The following LDB2 variants were observed in gnomAD, a reference collection of about 807,000 sequenced individuals.
LDB2 encodes LIM domain-binding protein 2.
In LDB2, 12 loss-of-function variants were observed where a neutral mutation model predicts 44.3. That is an observed-to-expected ratio of 0.27 (90% CI 0.17 to 0.44). The LOEUF is 0.44. LDB2 is among the 20% of genes least tolerant of loss of function. The pLI is 1.00. For synonymous variants in LDB2, 164 were observed against 174.8 expected (o/e 0.94, Z 0.49); for missense variants, 344 against 473.5 (o/e 0.73, Z 2.54).
intron 1 of LDB2, among the ~76,000 whole-genome samples, chr4:16,793,507 A>G (rs2109637524): frequency 6.6e-6 from 1 of 152,264 alleles, no homozygotes; most frequent in African/African-American, 2.4e-5. Flanking sequence ...CTTATTTTTA[A>G]TCGTGCAGGT....
At chr4:16,643,289 C>T (rs1735728858) in intron 2 of LDB2, among the ~76,000 whole-genome samples, 1 of 152,180 alleles carries the variant, frequency 6.6e-6, no homozygotes, top group Non-Finnish European at 1.5e-5. Flanking sequence ...CCTAATGCCA[C>T]ACTCCGTTAC....
chr4:16,580,622 T>C (rs1036927414), intron 5 of LDB2, among the ~76,000 whole-genome samples: 3 of 152,184 alleles, frequency 2.0e-5, no homozygotes, highest in Non-Finnish European at 4.4e-5. Context: ...GATGTGAAAT[T>C]TATGAATGAA....
intron 2 of LDB2, among the ~76,000 whole-genome samples, chr4:16,650,794 C>T (rs1738064033): frequency 6.6e-6 from 1 of 152,176 alleles, no homozygotes; most frequent in African/African-American, 2.4e-5. Flanking sequence ...AAAGTAGCCC[C>T]ATTCCCTTAA....
intron 2 of LDB2, among the ~76,000 whole-genome samples, chr4:16,663,340 C>T (rs538162956): frequency 1.3e-5 from 2 of 152,316 alleles, no homozygotes; most frequent in South Asian, 4.1e-4. Flanking sequence ...TGTAAATTCT[C>T]CCACCATGGC....
At chr4:16,539,860 G>T (rs1264433871) in intron 5 of LDB2, among the ~76,000 whole-genome samples, 1 of 152,142 alleles carries the variant, frequency 6.6e-6, no homozygotes, top group African/African-American at 2.4e-5. Flanking sequence ...GGGGTCATGT[G>T]ACTAATTCTG....
At chr4:16,897,130 C>T (rs1725240981) in intron 1 of LDB2, among the ~76,000 whole-genome samples, 1 of 152,188 alleles carries the variant, frequency 6.6e-6, no homozygotes, top group Non-Finnish European at 1.5e-5. Flanking sequence ...ATTAAATACA[C>T]GAAACGTCAT....
chr4:16,806,584 T>C (rs1392687390), intron 1 of LDB2, among the ~76,000 whole-genome samples: 1 of 151,626 alleles, frequency 6.6e-6, no homozygotes, highest in Non-Finnish European at 1.5e-5. Flanking sequence ...GCAATTTTTT[T>C]CCACATATCT....
intron 2 of LDB2, among the ~76,000 whole-genome samples, chr4:16,726,687 G>C (rs1299200625): frequency 6.6e-6 from 1 of 152,186 alleles, no homozygotes; most frequent in Non-Finnish European, 1.5e-5. Context: ...CTTTAAAGGG[G>C]AGGGAGGACC....
chr4:16,749,660 A>G (rs1246223715), intron 2 of LDB2, among the ~76,000 whole-genome samples: 1 of 151,594 alleles, frequency 6.6e-6, no homozygotes. Context: ...GCTCTATAAT[A>G]CAAAACAGGC....
At chr4:16,520,252 T>C (rs1393958747) in intron 5 of LDB2, among the ~76,000 whole-genome samples, 5 of 150,054 alleles carry the variant, frequency 3.3e-5, no homozygotes, top group African/African-American at 1.2e-4. Flanking sequence ...TGAAGGAGTC[T>C]CTCTAATTAA....
intron 2 of LDB2, among the ~76,000 whole-genome samples, chr4:16,606,557 C>T (rs1188291658): frequency 6.6e-6 from 1 of 152,130 alleles, no homozygotes. Flanking sequence ...CCCTCAAGTA[C>T]TCAAAAGTTT....
intron 2 of LDB2, among the ~76,000 whole-genome samples, chr4:16,643,333 C>T (rs1053512320): frequency 4.6e-5 from 7 of 152,140 alleles, no homozygotes; most frequent in African/African-American, 1.4e-4. Flanking sequence ...AATATAACTG[C>T]TCTGAGCTTC....
chr4:16,868,451 T>C (rs1278808362), intron 1 of LDB2, among the ~76,000 whole-genome samples: 1 of 152,152 alleles, frequency 6.6e-6, no homozygotes, highest in Non-Finnish European at 1.5e-5. Context: ...ACTCTTAATA[T>C]CAGAGAGGTC....
chr4:16,847,429 T>G (rs983372066), intron 1 of LDB2, among the ~76,000 whole-genome samples: 2 of 152,190 alleles, frequency 1.3e-5, no homozygotes, highest in African/African-American at 2.4e-5. Flanking sequence ...TGACACCTCC[T>G]CCTTAAGGAT....
intron 5 of LDB2, among the ~76,000 whole-genome samples, chr4:16,527,775 T>C (rs1728736777): frequency 6.6e-6 from 1 of 152,206 alleles, no homozygotes; most frequent in Non-Finnish European, 1.5e-5. Context: ...ACTTTAAATT[T>C]ACAAGAGGGT....
intron 5 of LDB2, among the ~76,000 whole-genome samples, chr4:16,574,722 A>G (rs1020934905): frequency 1.3e-5 from 2 of 152,200 alleles, no homozygotes; most frequent in Admixed American, 1.3e-4. Flanking sequence ...CTGCACTCAG[A>G]AAGTACAGGA....
intron 1 of LDB2, among the ~76,000 whole-genome samples, chr4:16,878,408 G>A (rs941700469): frequency 2.6e-5 from 4 of 152,092 alleles, no homozygotes; most frequent in East Asian, 1.9e-4. Flanking sequence ...CACCTTCCAC[G>A]GCTAATCCAT....
At chr4:16,818,776 C>G (rs1054352634) in intron 1 of LDB2, among the ~76,000 whole-genome samples, 1 of 152,190 alleles carries the variant, frequency 6.6e-6, no homozygotes, top group Non-Finnish European at 1.5e-5. Flanking sequence ...TTTGACTAAA[C>G]TGTAGTTTCT....
At chr4:16,597,379 C>T (rs1356993232) in intron 2 of LDB2, among the ~76,000 whole-genome samples, 3 of 152,032 alleles carry the variant, frequency 2.0e-5, no homozygotes, top group Non-Finnish European at 2.9e-5. Flanking sequence ...ACTGCCTAAT[C>T]CCCAATACTG....
Sources: allele counts gnomAD v4.1 joint callset (sites outside exome capture counted in the v4.1 genomes callset), GRCh38; gene constraint gnomAD v4.1.1; transcripts MANE v1.5; gene names NCBI Gene and HGNC (gene_info 2026-07-23, HGNC 2026-07-21).